Variants in APLF observed in about 807,000 individuals in gnomAD.
APLF encodes the protein aprataxin and PNK-like factor.
Under a neutral mutation model 55.6 loss-of-function variants are expected in APLF, and 61 were observed. The ratio of observed to expected loss-of-function variants is 1.10; its 90% CI spans 0.89 to 1.36. The LOEUF is 1.36. APLF is among the 40% of genes most tolerant of loss of function. APLF has a pLI of 0.00. For synonymous variants in APLF, 207 were observed against 214.8 expected (o/e 0.96, Z 0.32); for missense variants, 611 against 602.5 (o/e 1.01, Z -0.15).
intron 8 of APLF, among the ~76,000 whole-genome samples, chr2:68,563,632 A>G (rs1671221032): frequency 6.6e-6 from 1 of 151,974 alleles, no homozygotes; most frequent in Admixed American, 6.6e-5. Flanking sequence ...TGGTGCTTAA[A>G]CCATACTTGA....
rs945134584 is a variant in APLF at position 68,555,142 on chromosome 2, C to T, written c.1286+9830C>T. 8.5e-5 allele frequency among the ~76,000 whole-genome samples: 13 copies of T among 152,164 alleles called. 1 individual carries two copies. The highest frequency in any genetic ancestry group is 6.8e-3 in the Middle Eastern group (2 of 294). On this transcript the variant is annotated intron_variant, in intron 8 of 9. Transcript: ENST00000303795. ...ATGAAACTGGACCCTCATCTCTCAC[C>T]TTATACAAAAATCAACTCAAGATGG...
At chr2:68,485,563 A>G (rs6718500) in intron 1 of APLF, among the ~76,000 whole-genome samples, 11,655 of 152,116 alleles carry the variant, frequency 0.077, 1,340 homozygotes, top group African/African-American at 0.24. Context: ...GACTTCATGA[A>G]TATTTATTCC....
chr2:68,483,388 G>A lies in APLF; in HGVS notation c.97-6802G>A, dbSNP rs565806008. 4.6e-5 allele frequency among the ~76,000 whole-genome samples: 7 copies of A among 152,302 alleles called. No individual in the cohort carries two copies. The South Asian group carries it at 8.3e-4, about 18-fold the overall frequency. ...TCCCAGCCAGTCTCACTGGGGAGAT[G>A]GGACAGCAGAGGCAGGGTGCCTTGC... On this transcript the variant is annotated intron_variant, in intron 1 of 9. Coordinates refer to ENST00000303795, the MANE Select transcript of APLF (RefSeq NM_173545.3).
chr2:68,511,509 A>C (rs764876035), intron 3 of APLF, among the ~76,000 whole-genome samples: 1 of 151,738 alleles, frequency 6.6e-6, no homozygotes, highest in Non-Finnish European at 1.5e-5. Flanking sequence ...TATAGAGTGT[A>C]TATGAATTCA....
chr2:68,576,715 A>G (rs1316822519), intron 9 of APLF, among the ~76,000 whole-genome samples: 1 of 152,040 alleles, frequency 6.6e-6, no homozygotes, highest in Non-Finnish European at 1.5e-5. Flanking sequence ...TTCCTTTGTC[A>G]TTTTTCTCAT....
intron 1 of APLF, among the ~76,000 whole-genome samples, chr2:68,484,721 G>T (rs902099554): frequency 6.6e-6 from 1 of 151,426 alleles, no homozygotes; most frequent in Non-Finnish European, 1.5e-5. Context: ...TTAAGGCCAG[G>T]CACAGTGACT....
chr2:68,571,323 C>T (rs1671457509), intron 9 of APLF, among the ~76,000 whole-genome samples: 1 of 152,066 alleles, frequency 6.6e-6, no homozygotes, highest in Non-Finnish European at 1.5e-5. Flanking sequence ...TCAATTTTGG[C>T]TTTTGTTGCC....
chr2:68,578,143 T>C lies in APLF; in HGVS notation c.*121T>C. ...CCTTCTTTTGATAGTTAATGACTTT[T>C]ACTACTGACTCTTTACAAATGAGAC... On this transcript the variant is annotated 3_prime_UTR_variant, in exon 10 of 10. Transcript: ENST00000303795. The C allele has an allele frequency of 6.9e-7, 1 of 1,439,964 alleles. No individual in the cohort carries two copies. Among genetic ancestry groups the C allele is most frequent in the Middle Eastern group, 1.9e-4 (1 of 5,238 alleles). 89.2% of individuals were successfully genotyped at this position (1,439,964 alleles called of 1,614,324 possible). A position where few individuals can be genotyped will look rare whatever the true frequency, so the allele number is the denominator to read the frequency against.
chr2:68,527,780 C>T lies in APLF; in HGVS notation c.804+1538C>T, dbSNP rs558239583. Reference sequence around the variant, plus strand: ...GGTGCTCGTCACTTCCCAGAGAGGGCGGGGGCCGGGCAGAGGCGCTCCTCA... The same window carrying T: ...GGTGCTCGTCACTTCCCAGAGAGGGTGGGGGCCGGGCAGAGGCGCTCCTCA... On this transcript the variant is annotated intron_variant, in intron 6 of 9. Transcript: ENST00000303795. Among the ~76,000 whole-genome samples, 39 of 134,014 alleles carry T rather than the reference C, an allele frequency of 2.9e-4. No homozygotes were observed. In the East Asian group the frequency reaches 7.5e-3, roughly 26 times the overall value. 87.9% of individuals were successfully genotyped at this position (134,014 alleles called of 152,430 possible). A position where few individuals can be genotyped will look rare whatever the true frequency, so the allele number is the denominator to read the frequency against.
chr2:68,528,318 TC>T (rs1330063512), intron 6 of APLF: 1 of 1,440,912 alleles, frequency 6.9e-7, no homozygotes, highest in African/African-American at 1.4e-5. Flanking sequence ...ACCCTCATGT[TC>T]TTACGCATGT....
At chr2:68,539,653 A>G (rs886813879) in intron 7 of APLF, among the ~76,000 whole-genome samples, 2 of 152,220 alleles carry the variant, frequency 1.3e-5, no homozygotes, top group East Asian at 1.9e-4. Flanking sequence ...GAGAAAATTC[A>G]TAATGGTCAT....
chr2:68,535,357 C>A, intron 6 of APLF: 1 of 408,334 alleles, frequency 2.4e-6, no homozygotes, highest in Non-Finnish European at 4.9e-6. Flanking sequence ...CCTCATCCTT[C>A]GACCTCATTG....
chr2:68,510,217 T>TA (rs958192137), intron 3 of APLF, among the ~76,000 whole-genome samples: 23 of 151,082 alleles, frequency 1.5e-4, no homozygotes, highest in African/African-American at 4.9e-4. Flanking sequence ...TAAAGTATAA[T>TA]AAAAAAATAA....
Position 68,538,035 on chromosome 2 carries a change from G to A in APLF, c.968G>A (p.Ser323Asn), listed in dbSNP as rs769397597. The A allele has an allele frequency of 1.2e-5, 20 of 1,613,970 alleles. No homozygotes were observed. Among genetic ancestry groups the A allele is most frequent in the Non-Finnish European group, 1.7e-5 (20 of 1,179,998 alleles). The change falls in exon 7 of 10, where the codon AGC becomes AAC. Residue 323 changes from serine to asparagine, a missense_variant. By Grantham distance (46) the Ser-to-Asn change is conservative. Coordinates refer to ENST00000303795, the MANE Select transcript of APLF (RefSeq NM_173545.3). ...RTPHKEDEAM[S>N]CSENCSSAQG... Reference sequence around the variant, plus strand: ...CCACATAAAGAAGATGAGGCAATGAGCTGTTCTGAAAATTGTTCGAGTGCC... The same window carrying A: ...CCACATAAAGAAGATGAGGCAATGAACTGTTCTGAAAATTGTTCGAGTGCC...
At chr2:68,473,792 T>C (rs537107262) in intron 1 of APLF, among the ~76,000 whole-genome samples, 1 of 152,310 alleles carries the variant, frequency 6.6e-6, no homozygotes, top group Admixed American at 6.5e-5. Context: ...ACTCCTGTGA[T>C]TGAATATGTG....
chr2:68,525,742 CTTTTTTT>C (rs386390398), intron 5 of APLF, among the ~76,000 whole-genome samples: 26 of 82,032 alleles, frequency 3.2e-4, no homozygotes, highest in African/African-American at 9.9e-4. Flanking sequence ...TTCTTTCTTT[CTTTTTTT>C]TTTTTTTTTT....
At position 68,510,820 on chromosome 2, in the gene APLF, A is replaced by T. The variant is rs1330334909; in HGVS notation, c.342-2260A>T. Among the ~76,000 whole-genome samples the T allele has an allele frequency of 5.3e-5, 8 of 151,884 alleles. No homozygotes were observed. The East Asian group carries it at 5.8e-4, about 11-fold the overall frequency. ...AGATAAACAAGTATTGTATAGTCATACAGTAGAATATTATTTGGCCATAAA... is the reference window on the plus strand; with the variant it reads ...AGATAAACAAGTATTGTATAGTCATTCAGTAGAATATTATTTGGCCATAAA... On this transcript the variant is annotated intron_variant, in intron 3 of 9. Transcript: ENST00000303795.
chr2:68,499,848 A>G (rs894792809), intron 2 of APLF, among the ~76,000 whole-genome samples: 2 of 152,184 alleles, frequency 1.3e-5, no homozygotes, highest in African/African-American at 4.8e-5. Context: ...AAAAAAAGAA[A>G]AAATAAATAA....
intron 8 of APLF, among the ~76,000 whole-genome samples, chr2:68,563,785 G>A (rs1671225933): frequency 6.6e-6 from 1 of 151,922 alleles, no homozygotes; most frequent in Non-Finnish European, 1.5e-5. Context: ...TAACTGTTAA[G>A]GGCAAAGCAG....
Sources: gnomAD v4.1 joint callset for allele counts (sites outside exome capture counted in the v4.1 genomes callset) on GRCh38, gnomAD v4.1.1 for gene constraint, MANE v1.5 for transcripts, NCBI Gene and HGNC (gene_info 2026-07-23, HGNC 2026-07-21) for gene names.